Variants in GRIN2A observed in about 807,000 individuals in gnomAD.
GRIN2A encodes the protein glutamate ionotropic receptor NMDA type subunit 2A.
In GRIN2A, 22 loss-of-function variants were observed where a neutral mutation model predicts 113.4. The ratio of observed to expected loss-of-function variants is 0.19; its 90% CI spans 0.14 to 0.28. GRIN2A has a LOEUF of 0.28. Among genes scored for constraint, GRIN2A ranks in the 10% least tolerant of loss-of-function variants. The pLI, the probability that GRIN2A is intolerant of heterozygous loss-of-function variation, is 1.00. For synonymous variants in GRIN2A, 827 were observed against 738.4 expected (o/e 1.12, Z -1.94); for missense variants, 1,502 against 1,887.0 (o/e 0.80, Z 3.78).
chr16:10,041,444 G>GTTAT (rs2047165396), intron 2 of GRIN2A, among the ~76,000 whole-genome samples: 1 of 152,124 alleles, frequency 6.6e-6, no homozygotes, highest in Non-Finnish European at 1.5e-5. Flanking sequence ...AAGCTAAATT[G>GTTAT]TTATATAAAA....
At chr16:10,074,355 T>C (rs2047826002) in intron 2 of GRIN2A, among the ~76,000 whole-genome samples, 1 of 152,234 alleles carries the variant, frequency 6.6e-6, no homozygotes, top group Admixed American at 6.5e-5. Flanking sequence ...TCCTATATGA[T>C]CCAGCAATTC....
chr16:10,016,183 A>C (rs837694), intron 2 of GRIN2A, among the ~76,000 whole-genome samples: 2 of 149,774 alleles, frequency 1.3e-5, no homozygotes, highest in Non-Finnish European at 1.5e-5. Context: ...AGGGTAATGT[A>C]AGAGGCGCAG....
intron 3 of GRIN2A, among the ~76,000 whole-genome samples, chr16:9,902,304 G>A (rs983869403): frequency 2.0e-5 from 3 of 152,170 alleles, no homozygotes; most frequent in Non-Finnish European, 2.9e-5. Flanking sequence ...AGGTGAGCCC[G>A]TCTTTGTTCC....
chr16:10,036,767 G>C (rs1364070956), intron 2 of GRIN2A, among the ~76,000 whole-genome samples: 1 of 151,634 alleles, frequency 6.6e-6, no homozygotes, highest in East Asian at 1.9e-4. Flanking sequence ...TTTTAAGATT[G>C]TATGCATCTT....
intron 2 of GRIN2A, among the ~76,000 whole-genome samples, chr16:10,079,555 A>G (rs971577447): frequency 1.3e-5 from 2 of 152,182 alleles, no homozygotes; most frequent in African/African-American, 2.4e-5. Context: ...CTCATAAATG[A>G]TATTCATGCC....
intron 4 of GRIN2A, among the ~76,000 whole-genome samples, chr16:9,871,431 G>GA (rs759065813): frequency 0.026 from 2,591 of 98,478 alleles, 29 homozygotes; most frequent in Non-Finnish European, 0.028. Flanking sequence ...CACTGAAAAT[G>GA]AAAAAAAAAA....
intron 4 of GRIN2A, among the ~76,000 whole-genome samples, chr16:9,864,510 C>G (rs187997305): frequency 3.3e-5 from 5 of 152,074 alleles, no homozygotes; most frequent in Admixed American, 2.6e-4. Context: ...GAGATAAGTT[C>G]CAGGTAATTA....
chr16:10,111,316 G>C, intron 2 of GRIN2A: 1 of 383,482 alleles, frequency 2.6e-6, no homozygotes, highest in Non-Finnish European at 5.0e-6. Context: ...CACAGCGTCA[G>C]CAGCAGCGGC....
chr16:9,796,454 C>T (rs1902988671), intron 11 of GRIN2A, among the ~76,000 whole-genome samples: 1 of 152,206 alleles, frequency 6.6e-6, no homozygotes, highest in Non-Finnish European at 1.5e-5. Flanking sequence ...CTCTCAGTGT[C>T]CACACTATTG....
At chr16:9,829,700 CTGTT>C (rs1168535807) in intron 8 of GRIN2A, 48 bp from the exon 9 acceptor site, 23 of 1,398,840 alleles carry the variant, frequency 1.6e-5, no homozygotes, top group Non-Finnish European at 2.3e-5. Flanking sequence ...AAAAAAATGC[CTGTT>C]TGTGTATGAC....
At chr16:10,044,715 C>T (rs760181432) in intron 2 of GRIN2A, among the ~76,000 whole-genome samples, 9 of 151,058 alleles carry the variant, frequency 6.0e-5, no homozygotes, top group South Asian at 2.1e-4. Flanking sequence ...GGATAGCCTA[C>T]GTCTGCTGTG....
At chr16:9,775,529 C>T (rs534717914) in intron 11 of GRIN2A, among the ~76,000 whole-genome samples, 23 of 152,094 alleles carry the variant, frequency 1.5e-4, no homozygotes, top group African/African-American at 2.4e-4. Flanking sequence ...CCAGTAGTTA[C>T]GGCAAAATGA....
At chr16:10,157,739 G>C (rs2049728495) in intron 2 of GRIN2A, among the ~76,000 whole-genome samples, 1 of 152,096 alleles carries the variant, frequency 6.6e-6, no homozygotes, top group Admixed American at 6.6e-5. Context: ...TCAACACTTG[G>C]GGATTGCAAT....
chr16:10,168,554 C>T (rs534237852), intron 2 of GRIN2A, among the ~76,000 whole-genome samples: 1 of 152,314 alleles, frequency 6.6e-6, no homozygotes, highest in Admixed American at 6.5e-5. Flanking sequence ...CAGACAGTCA[C>T]TGTTAGCTCA....
At chr16:10,077,539 A>G (rs1206872068) in intron 2 of GRIN2A, among the ~76,000 whole-genome samples, 1 of 152,136 alleles carries the variant, frequency 6.6e-6, no homozygotes, top group African/African-American at 2.4e-5. Context: ...CCCTCTTACA[A>G]TCCAGTATCA....
At chr16:10,015,273 A>AAAAAAG (rs2046586670) in intron 2 of GRIN2A, among the ~76,000 whole-genome samples, 48 of 107,206 alleles carry the variant, frequency 4.5e-4, no homozygotes, top group Non-Finnish European at 7.3e-4. Flanking sequence ...AAAAAAAAAG[A>AAAAAAG]AAAAAAAAAA....
At position 10,002,888 on chromosome 16, in the gene GRIN2A, T is replaced by C. The variant is rs2141846807; in HGVS notation, c.415-64337A>G. On this transcript the variant is annotated intron_variant, in intron 2 of 12. Coordinates refer to ENST00000330684, the MANE Select transcript of GRIN2A (RefSeq NM_001134407.3). Reference sequence around the variant, plus strand: ...CCAATGGACTTTGGAGAAAGGCATTTCATGGCCTTTAGGAGAAAGGCAATT... The same window carrying C: ...CCAATGGACTTTGGAGAAAGGCATTCCATGGCCTTTAGGAGAAAGGCAATT... Among the ~76,000 whole-genome samples the C allele has an allele frequency of 2.0e-5, 3 of 152,348 alleles. No homozygotes were observed. In the Middle Eastern group the frequency reaches 0.01, roughly 518 times the overall value.
intron 2 of GRIN2A, among the ~76,000 whole-genome samples, chr16:10,065,280 A>G (rs543358338): frequency 6.6e-6 from 1 of 152,318 alleles, no homozygotes; most frequent in Non-Finnish European, 1.5e-5. Flanking sequence ...TGCTGTGTGG[A>G]GTTACTCACG....
chr16:10,066,981 C>T (rs1317382697), intron 2 of GRIN2A, among the ~76,000 whole-genome samples: 1 of 152,142 alleles, frequency 6.6e-6, no homozygotes, highest in Non-Finnish European at 1.5e-5. Flanking sequence ...ACATGCTACA[C>T]CAGCACACTC....
Sources: gnomAD v4.1 joint callset for allele counts (sites outside exome capture counted in the v4.1 genomes callset) on GRCh38, gnomAD v4.1.1 for gene constraint, MANE v1.5 for transcripts, NCBI Gene and HGNC (gene_info 2026-07-23, HGNC 2026-07-21) for gene names.